The following CELF4 variants were observed in gnomAD, a reference collection of about 807,000 sequenced individuals.
CELF4 encodes the protein CUGBP Elav-like family member 4.
CELF4 carries 18 observed loss-of-function variants against 59.9 expected under a neutral mutation model. That is an observed-to-expected ratio of 0.30 (90% confidence interval 0.21 to 0.45). CELF4 has a LOEUF of 0.45. Ranked by LOEUF, CELF4 falls within the 20% of genes least tolerant of loss-of-function variation. The probability of loss-of-function intolerance (pLI) is 1.00; values close to 1 mark genes in which losing one functional copy is unlikely to be tolerated. For synonymous variants in CELF4, 261 were observed against 267.1 expected, an observed-to-expected ratio of 0.98 and a Z score of 0.22; for missense variants, 456 against 689.0, an observed-to-expected ratio of 0.66 and a Z score of 3.79.
chr18:37,361,867 G>A (rs2098708868), intron 2 of CELF4, among the ~76,000 whole-genome samples: 1 of 139,158 alleles, frequency 7.2e-6, no homozygotes, highest in African/African-American at 2.6e-5. Flanking sequence ...AGGGAGGGGG[G>A]CGGGGGATTC....
chr18:37,272,883 G>A (rs2091962614), intron 7 of CELF4, 133 bp downstream of exon 7: 1 of 851,216 alleles, frequency 1.2e-6, no homozygotes, highest in Admixed American at 2.7e-5. Flanking sequence ...CTGCCAGAAG[G>A]CAAGTCCTCT....
chr18:37,545,640 C>A (rs924256476), intron 1 of CELF4, among the ~76,000 whole-genome samples: 1 of 151,968 alleles, frequency 6.6e-6, no homozygotes, highest in Non-Finnish European at 1.5e-5. Flanking sequence ...CCTCGCTGGT[C>A]GAGTCTGAGC....
intron 2 of CELF4, among the ~76,000 whole-genome samples, chr18:37,347,210 G>C (rs1603623019): frequency 6.6e-6 from 1 of 152,076 alleles, no homozygotes. Flanking sequence ...GAAGAGAATG[G>C]GGAGCCCCAG....
chr18:37,373,709 C>T (rs1435580911), intron 2 of CELF4, among the ~76,000 whole-genome samples: 1 of 152,190 alleles, frequency 6.6e-6, no homozygotes, highest in Non-Finnish European at 1.5e-5. Context: ...CAGACTCTAA[C>T]AGTGGGAGGG....
At position 37,313,175 on chromosome 18, in the gene CELF4, C is replaced by T. The variant is rs73948891; in HGVS notation, c.448+8628G>A. Among the ~76,000 whole-genome samples the T allele has an allele frequency of 5.1e-3, 783 of 152,300 alleles. 4 individuals carry two copies. The highest frequency in any genetic ancestry group is 0.018 in the African/African-American group (743 of 41,568). ...ATCCCAGGGTCTCCCAGGCAGAGTC[C>T]AAACCAACACCAAATCAATGGGTAA... On this transcript the variant is annotated intron_variant, in intron 3 of 12. Coordinates refer to ENST00000420428, the MANE Select transcript of CELF4 (RefSeq NM_020180.4).
intron 1 of CELF4, among the ~76,000 whole-genome samples, chr18:37,559,598 C>T (rs184272502): frequency 6.6e-6 from 1 of 152,166 alleles, no homozygotes; most frequent in African/African-American, 2.4e-5. Context: ...TCCAGATTCT[C>T]TTTAGGTGAG....
At chr18:37,525,483 C>T (rs1228492236) in intron 1 of CELF4, among the ~76,000 whole-genome samples, 2 of 151,808 alleles carry the variant, frequency 1.3e-5, no homozygotes, top group South Asian at 2.1e-4. Flanking sequence ...GGTTTGGGTT[C>T]TGTGTCTGTG....
In CELF4 at chr18:37,477,295, G is replaced by A. The variant is rs182190937; in HGVS notation, c.369+8230C>T. On this transcript the variant is annotated intron_variant, in intron 2 of 12. Transcript: ENST00000420428. The stretch of plus-strand genomic sequence containing the variant: ...GGACGGATTGGAAAGCTCCCCGAGC[G>A]GGGCAGAGAATTTGTTCAGAGGAAG... Among the ~76,000 whole-genome samples, 12 of 152,356 alleles carry A rather than the reference G, an allele frequency of 7.9e-5. No homozygotes were observed. In the East Asian group the frequency reaches 1.4e-3, roughly 17 times the overall value.
At chr18:37,433,697 T>C (rs2099678657) in intron 2 of CELF4, among the ~76,000 whole-genome samples, 2 of 151,540 alleles carry the variant, frequency 1.3e-5, no homozygotes, top group South Asian at 4.2e-4. Flanking sequence ...TGGGGAGGAG[T>C]ATGTAAGCAG....
chr18:37,254,727 C>T lies in CELF4; in HGVS notation c.1334-789G>A, dbSNP rs2068078684. On this transcript the variant is annotated intron_variant, in intron 11 of 12. Coordinates refer to ENST00000420428, the MANE Select transcript of CELF4 (RefSeq NM_020180.4). The surrounding 1 kb of genome is among the most constrained non-coding windows in gnomAD (Gnocchi z 5.1). ...CCTCCGTGCAGAAGCGCTTCCCACGCGTTCACTCCTGTGCCCAGATGGCAT... is the reference window on the plus strand; with the variant it reads ...CCTCCGTGCAGAAGCGCTTCCCACGTGTTCACTCCTGTGCCCAGATGGCAT... Among the ~76,000 whole-genome samples the T allele has an allele frequency of 6.6e-6, 1 of 152,244 alleles. No individual in the cohort carries two copies. The highest frequency in any genetic ancestry group is 2.4e-5 in the African/African-American group (1 of 41,478).
intron 3 of CELF4, among the ~76,000 whole-genome samples, chr18:37,293,880 G>A (rs2095489862): frequency 1.4e-5 from 2 of 145,564 alleles, no homozygotes; most frequent in Non-Finnish European, 3.0e-5. Context: ...GCACCCCAAA[G>A]TGTGCTTATC....
Position 37,314,771 on chromosome 18 carries a change from C to A in CELF4, c.448+7032G>T, listed in dbSNP as rs115302561. 4.0e-3 allele frequency among the ~76,000 whole-genome samples: 608 copies of A among 152,248 alleles called. 6 individuals are homozygous for A. Among genetic ancestry groups the A allele is most frequent in the African/African-American group, 0.014 (583 of 41,534 alleles). ...CATTCTCACGGCCAGCTCAGCCCTG[C>A]CTGCCTTCACCTGCCTACCTTGCTT... On this transcript the variant is annotated intron_variant, in intron 3 of 12. Coordinates refer to ENST00000420428, the MANE Select transcript of CELF4 (RefSeq NM_020180.4).
chr18:37,487,581 G>A (rs1557416), intron 1 of CELF4, among the ~76,000 whole-genome samples: 35,327 of 152,078 alleles, frequency 0.23, 5,342 homozygotes, highest in East Asian at 0.47. Context: ...AGAGGCCCCC[G>A]TGACGTCGTC....
chr18:37,508,643 C>G, intron 1 of CELF4, among the ~76,000 whole-genome samples: 1 of 152,228 alleles, frequency 6.6e-6, no homozygotes, highest in Admixed American at 6.5e-5. Context: ...GAGACAGCTG[C>G]TCCCATCACA....
intron 2 of CELF4, among the ~76,000 whole-genome samples, chr18:37,433,456 G>C (rs984383167): frequency 6.6e-6 from 1 of 152,158 alleles, no homozygotes; most frequent in Admixed American, 6.5e-5. Flanking sequence ...TGTTGCTTGA[G>C]GACAAGGATT....
intron 2 of CELF4, among the ~76,000 whole-genome samples, chr18:37,408,490 GCC>G (rs2099406116): frequency 3.2e-4 from 14 of 44,264 alleles, no homozygotes; most frequent in African/African-American, 5.1e-4. Flanking sequence ...TTTGGTTGGT[GCC>G]GGGGGGGGGC....
intron 1 of CELF4, among the ~76,000 whole-genome samples, chr18:37,522,089 C>T (rs534000158): frequency 1.3e-4 from 19 of 151,346 alleles, no homozygotes; most frequent in African/African-American, 2.7e-4. Flanking sequence ...AGAAATGGTG[C>T]CTTTCTTCTG....
chr18:37,264,155 C>T (rs1398612644), intron 10 of CELF4, among the ~76,000 whole-genome samples: 1 of 152,206 alleles, frequency 6.6e-6, no homozygotes. Flanking sequence ...AGTGAAGACC[C>T]CAAGGATGGG....
intron 1 of CELF4, among the ~76,000 whole-genome samples, chr18:37,554,280 C>T (rs1379622051): frequency 6.6e-6 from 1 of 151,806 alleles, no homozygotes; most frequent in Non-Finnish European, 1.5e-5. Flanking sequence ...ACCCGCAGGG[C>T]TCTTTGTCCC....
Sources: allele counts gnomAD v4.1 joint callset (sites outside exome capture counted in the v4.1 genomes callset), GRCh38; gene constraint gnomAD v4.1.1; non-coding constraint Gnocchi (gnomAD v3.1); transcripts MANE v1.5; gene names NCBI Gene and HGNC (gene_info 2026-07-23, HGNC 2026-07-21).